The following PALLD variants were observed in gnomAD, a reference collection of about 807,000 sequenced individuals.
PALLD encodes palladin.
Under a neutral mutation model 123.5 loss-of-function variants are expected in PALLD, and 61 were observed. The ratio of observed to expected loss-of-function variants is 0.49; its 90% CI spans 0.40 to 0.61. The LOEUF is 0.61. PALLD is among the 20% of genes least tolerant of loss of function. The pLI, the probability that PALLD is intolerant of heterozygous loss-of-function variation, is 0.00. For synonymous variants in PALLD, 465 were observed against 496.4 expected (o/e 0.94, Z 0.84); for missense variants, 1,273 against 1,377.0 (o/e 0.92, Z 1.20).
chr4:168,848,230 C>A (rs1346676019), intron 10 of PALLD, among the ~76,000 whole-genome samples: 1 of 148,508 alleles, frequency 6.7e-6, no homozygotes, highest in African/African-American at 2.5e-5. Flanking sequence ...ACTGTCCCTT[C>A]TGCTTACTCA....
At chr4:168,569,660 A>G (rs2149603548) in intron 2 of PALLD, among the ~76,000 whole-genome samples, 1 of 152,302 alleles carries the variant, frequency 6.6e-6, no homozygotes, top group Middle Eastern at 3.4e-3. Flanking sequence ...AGCAGGCTGC[A>G]CGTTCTCTAA....
At chr4:168,918,218 A>G (rs903691924) in intron 17 of PALLD, among the ~76,000 whole-genome samples, 1 of 151,728 alleles carries the variant, frequency 6.6e-6, no homozygotes, top group African/African-American at 2.4e-5. Context: ...AGAAAATGAA[A>G]TCAGTAGCAA....
At chr4:168,884,787 T>C (rs1753109050) in intron 10 of PALLD, among the ~76,000 whole-genome samples, 1 of 152,216 alleles carries the variant, frequency 6.6e-6, no homozygotes, top group Non-Finnish European at 1.5e-5. Context: ...TCTTCCATTC[T>C]GTTTATCTCA....
chr4:168,626,580 A>T (rs1246884007), intron 2 of PALLD, among the ~76,000 whole-genome samples: 1 of 151,708 alleles, frequency 6.6e-6, no homozygotes, highest in Non-Finnish European at 1.5e-5. Context: ...GTATGGTGGC[A>T]CACGACTGTC....
intron 10 of PALLD, among the ~76,000 whole-genome samples, chr4:168,777,464 A>C (rs1735326109): frequency 1.3e-5 from 2 of 152,164 alleles, no homozygotes; most frequent in Non-Finnish European, 2.9e-5. Context: ...AGACACCTGC[A>C]TGATAAGAGA....
rs557361535 is a variant in PALLD, at chr4:168,568,255, T to C, written c.908+55843T>C. 3.3e-5 allele frequency among the ~76,000 whole-genome samples: 5 copies of C among 152,226 alleles called. No homozygotes were observed. In the East Asian group the frequency reaches 5.8e-4, roughly 18 times the overall value. ...GGTACATAGATAATTTCCATCATAA[T>C]TGATCATTTTTAGAAATTCTATAGC... On this transcript the variant is annotated intron_variant, in intron 2 of 21. Transcript: ENST00000505667.
intron 2 of PALLD, among the ~76,000 whole-genome samples, chr4:168,628,341 A>T (rs1775496656): frequency 6.6e-6 from 1 of 152,036 alleles, no homozygotes; most frequent in South Asian, 2.1e-4. Context: ...TCTTCTCAAG[A>T]CCCTCCAATG....
intron 10 of PALLD, among the ~76,000 whole-genome samples, chr4:168,861,812 T>G (rs1749517206): frequency 6.6e-6 from 1 of 151,944 alleles, no homozygotes; most frequent in Non-Finnish European, 1.5e-5. Context: ...TGCATCACCA[T>G]GCCCAGCTAA....
intron 10 of PALLD, among the ~76,000 whole-genome samples, chr4:168,855,400 G>A (rs916072977): frequency 2.0e-5 from 3 of 152,136 alleles, no homozygotes; most frequent in Admixed American, 1.3e-4. Context: ...GAAAAGGAAT[G>A]TTCTAAGTTC....
At chr4:168,854,723 A>G (rs1748326560) in intron 10 of PALLD, among the ~76,000 whole-genome samples, 1 of 152,220 alleles carries the variant, frequency 6.6e-6, no homozygotes, top group East Asian at 1.9e-4. Context: ...ACGACCTTAC[A>G]TAAGAGTGCT....
chr4:168,600,022 TAC>T (rs758998866), intron 2 of PALLD, among the ~76,000 whole-genome samples: 52 of 146,132 alleles, frequency 3.6e-4, no homozygotes, highest in South Asian at 1.5e-3. Flanking sequence ...TACATGTGTG[TAC>T]ACACACATAC....
intron 2 of PALLD, among the ~76,000 whole-genome samples, chr4:168,532,882 T>A (rs1466414323): frequency 6.6e-6 from 1 of 152,164 alleles, no homozygotes; most frequent in South Asian, 2.1e-4. Context: ...ACCTTCTGAT[T>A]GATTGAAAGA....
chr4:168,594,219 A>C (rs748733165), intron 2 of PALLD, among the ~76,000 whole-genome samples: 5 of 152,200 alleles, frequency 3.3e-5, no homozygotes, highest in Non-Finnish European at 5.9e-5. Flanking sequence ...GGTTAACGAT[A>C]GTGTAAGTAG....
intron 2 of PALLD, among the ~76,000 whole-genome samples, chr4:168,616,992 G>C (rs116330852): frequency 0.01 from 1,554 of 152,298 alleles, 15 homozygotes; most frequent in Middle Eastern, 0.054. Context: ...GCAAGCATAA[G>C]TGCTGTGAGC....
chr4:168,885,138 C>T (rs749510423), intron 10 of PALLD, among the ~76,000 whole-genome samples: 1 of 152,356 alleles, frequency 6.6e-6, no homozygotes, highest in East Asian at 1.9e-4. Context: ...TCCTTGTCAT[C>T]TTTCAAGGGC....
intron 10 of PALLD, among the ~76,000 whole-genome samples, chr4:168,755,028 C>G (rs190013986): frequency 8.5e-5 from 13 of 152,134 alleles, no homozygotes; most frequent in Admixed American, 3.3e-4. Flanking sequence ...GTCAGGAGAT[C>G]GAGACCATCC....
chr4:168,810,314 G>A (rs2150735215), intron 10 of PALLD, among the ~76,000 whole-genome samples: 1 of 152,292 alleles, frequency 6.6e-6, no homozygotes, highest in Middle Eastern at 3.4e-3. Flanking sequence ...CTTAGCATAA[G>A]AGAAATTTGT....
chr4:168,922,988 T>C (rs1383315449), intron 18 of PALLD, among the ~76,000 whole-genome samples: 2 of 152,178 alleles, frequency 1.3e-5, no homozygotes, highest in Non-Finnish European at 2.9e-5. Context: ...TTTCTCCATA[T>C]ATAAAATGGG....
At chr4:168,572,753 A>G (rs1432676853) in intron 2 of PALLD, among the ~76,000 whole-genome samples, 2 of 151,682 alleles carry the variant, frequency 1.3e-5, no homozygotes, top group Non-Finnish European at 2.9e-5. Flanking sequence ...GCTTCTTGCC[A>G]CCCACACTGC....
Sources: gnomAD v4.1 joint callset for allele counts (sites outside exome capture counted in the v4.1 genomes callset) on GRCh38, gnomAD v4.1.1 for gene constraint, MANE v1.5 for transcripts, NCBI Gene and HGNC (gene_info 2026-07-23, HGNC 2026-07-21) for gene names.